PASK: variants seen among roughly 807,000 people sequenced by gnomAD.
PASK encodes the protein PAS domain-containing serine/threonine-protein kinase.
Under a neutral mutation model 121.0 loss-of-function variants are expected in PASK, and 110 were observed. The observed-to-expected ratio is 0.91, with a 90% confidence interval of 0.78 to 1.06. PASK has a LOEUF of 1.06. PASK is among the 50% of genes least tolerant of loss of function. The pLI, the probability that PASK is intolerant of heterozygous loss-of-function variation, is 0.00. For missense variants in PASK, 1,643 were observed against 1,702.3 expected, an observed-to-expected ratio of 0.97 and a Z score of 0.61; for synonymous variants, 686 against 717.8, an observed-to-expected ratio of 0.96 and a Z score of 0.71.
intron 10 of PASK, among the ~76,000 whole-genome samples, chr2:241,125,609 G>GAAAAAAAAAAAAAAAAA (rs11353969): frequency 6.8e-5 from 8 of 118,358 alleles, no homozygotes; most frequent in Non-Finnish European, 7.4e-5. Context: ...CAAAAAAAAA[G>GAAAAAAAAAAAAAAAAA]AAAAAAAAAA....
intron 11 of PASK, among the ~76,000 whole-genome samples, 193 bp from the exon 12 acceptor site, chr2:241,123,092 A>G (rs2065690485): frequency 6.6e-6 from 1 of 152,024 alleles, no homozygotes; most frequent in Admixed American, 6.5e-5. Flanking sequence ...CAGCCTCAGC[A>G]CACTGATCCC....
At chr2:241,138,494 C>T (rs944771218) in intron 5 of PASK, among the ~76,000 whole-genome samples, 160 bp downstream of exon 5, 9 of 152,260 alleles carry the variant, frequency 5.9e-5, no homozygotes, top group African/African-American at 2.2e-4. Flanking sequence ...GTTCCCTGCC[C>T]AAGCACACGC....
rs763180976 is a variant in PASK at position 241,138,809 on chromosome 2, A to C, written c.601-15T>G. The stretch of plus-strand genomic sequence containing the variant: ...ATGATGTCCACCTGTGGAAACAGAC[A>C]GGTTCACACCTGCATGCCATGAACC... On this transcript the variant is annotated splice_polypyrimidine_tract_variant and intron_variant, in intron 4 of 17. Coordinates refer to ENST00000234040, the MANE Select transcript of PASK (RefSeq NM_015148.4). The C allele has an allele frequency of 3.1e-6, 5 of 1,613,540 alleles. No homozygotes were observed. The African/African-American group carries it at 5.3e-5, about 17-fold the overall frequency.
At chr2:241,149,811 T>C (rs1331477731), upstream of PASK, 11 of 1,531,116 alleles carry the variant, frequency 7.2e-6, no homozygotes, top group Admixed American at 1.2e-4. Flanking sequence ...AGACGAAGGC[T>C]GCAGCGTCCG....
At chr2:241,124,493 C>A (rs1450012596) in intron 10 of PASK, among the ~76,000 whole-genome samples, 1 of 152,240 alleles carries the variant, frequency 6.6e-6, no homozygotes, top group East Asian at 1.9e-4. Flanking sequence ...AACCTGCACT[C>A]AACGTGCCCT....
chr2:241,132,903 A>G lies in PASK; in HGVS notation c.1434T>C (p.Leu478=), dbSNP rs1296160011. The G allele has an allele frequency of 6.2e-7, 1 of 1,614,152 alleles. No homozygotes were observed. The highest frequency in any genetic ancestry group is 8.5e-7 in the Non-Finnish European group (1 of 1,179,974). The change falls in exon 9 of 18, where the codon CTT becomes CTC. Residue 478 remains leucine, a synonymous_variant. Coordinates refer to ENST00000234040, the MANE Select transcript of PASK (RefSeq NM_015148.4). ...QTELIAGGQL[L]SCLSPQPAPG... ...GAGCAGGCTGAGGTGAGAGGCAGGA[A>G]AGGAGCTGGCCTCCAGCAATCAGCT... is the stretch of plus-strand genomic sequence containing the variant.
chr2:241,110,160 TGGACCTTGA>T (rs2065049110), intron 15 of PASK, among the ~76,000 whole-genome samples: 1 of 152,244 alleles, frequency 6.6e-6, no homozygotes, highest in African/African-American at 2.4e-5. Context: ...ACAACATGGA[TGGACCTTGA>T]GGACTTTATG....
intron 1 of PASK, among the ~76,000 whole-genome samples, chr2:241,147,877 G>T (rs1256248188): frequency 6.6e-6 from 1 of 152,180 alleles, no homozygotes; most frequent in Non-Finnish European, 1.5e-5. Context: ...CGGGAGCGGG[G>T]AGGACAGCAG....
At chr2:241,136,881 T>C in intron 7 of PASK, 123 bp downstream of exon 7, 3 of 898,210 alleles carry the variant, frequency 3.3e-6, no homozygotes, top group Non-Finnish European at 5.3e-6. Flanking sequence ...AGGTCCTTCC[T>C]GGGTAAAGGA....
At position 241,137,075 on chromosome 2, in the gene PASK, T is replaced by A. The variant is rs749601507; in HGVS notation, c.1066A>T (p.Thr356Ser). ...SGLITLLPDGTIHGINHSFAL... is the reference protein window; with the variant it reads ...SGLITLLPDGSIHGINHSFAL... ...AAGCTGTGGTTGATGCCGTGGATGG[T>A]CCCATCCGGCAGGAGGGTGATGAGG... Residue 356 changes from threonine (T) to serine (S), a missense_variant, in exon 7 of 18, where the codon ACC (threonine) becomes TCC (serine). By Grantham distance (58) the Thr-to-Ser change is moderately conservative. Around this residue, in one of 3 missense-constraint regions of PASK, gnomAD observed 1,176 missense variants for 1,162.2 expected, o/e 1.01. Coordinates refer to ENST00000234040, the MANE Select transcript of PASK (RefSeq NM_015148.4). 78 of 1,612,994 alleles carry A rather than the reference T, an allele frequency of 4.8e-5. No homozygotes were observed. Among genetic ancestry groups the A allele is most frequent in the Non-Finnish European group, 6.4e-5 (76 of 1,179,388 alleles).
intron 14 of PASK, chr2:241,114,550 C>T: frequency 9.9e-7 from 1 of 1,008,244 alleles, no homozygotes; most frequent in Non-Finnish European, 1.2e-6. Context: ...AAAATAATGG[C>T]CGAAGTTCAA....
In PASK at chr2:241,108,072, G is replaced by A. The variant is rs1038814121; in HGVS notation, c.3667+95C>T. The A allele has an allele frequency of 2.6e-6, 3 of 1,141,756 alleles. No individual in the cohort carries two copies. In the Admixed American group the frequency reaches 5.0e-5, roughly 19 times the overall value. The allele number at this position is 1,141,756 out of a possible 1,614,324, so 70.7% of individuals were successfully genotyped here. A position where few individuals can be genotyped will look rare whatever the true frequency, so the allele number is the denominator to read the frequency against. ...AGAAACAAATGAGACTGTTGATATG[G>A]ACAGAGATACACTGAGGAATGAGGA... On this transcript the variant is annotated intron_variant, in intron 16 of 17. Coordinates refer to ENST00000234040, the MANE Select transcript of PASK (RefSeq NM_015148.4). This position sits in a 1 kb window ranked among gnomAD's most constrained non-coding sequence, Gnocchi z 5.2.
In PASK at chr2:241,138,642, T is replaced by C. The variant is rs11681962; in HGVS notation, c.741+12A>G. On this transcript the variant is annotated intron_variant, in intron 5 of 17. Coordinates refer to ENST00000234040, the MANE Select transcript of PASK (RefSeq NM_015148.4). ...AGCGTCCATGAGACATGAGGCAAAG[T>C]TGCACACTCACATCGCTCTGGAAAG... 0.09 allele frequency: 144,841 copies of C among 1,613,504 alleles called. 8,686 individuals carry two copies. The highest frequency in any genetic ancestry group is 0.29 in the African/African-American group (21,621 of 74,980).
intron 9 of PASK, among the ~76,000 whole-genome samples, chr2:241,131,882 C>A (rs368457284): frequency 9.3e-5 from 14 of 151,308 alleles, no homozygotes; most frequent in Non-Finnish European, 1.6e-4. Context: ...AGTGAAACCC[C>A]GCCTCTAGTA....
chr2:241,116,977 A>G (rs1438100323), intron 12 of PASK, among the ~76,000 whole-genome samples: 1 of 152,230 alleles, frequency 6.6e-6, no homozygotes, highest in East Asian at 1.9e-4. Flanking sequence ...AGTCCCGGGA[A>G]GGCAGCTTCT....
chr2:241,148,501 A>G (rs2067086640), intron 1 of PASK, among the ~76,000 whole-genome samples: 1 of 152,204 alleles, frequency 6.6e-6, no homozygotes, highest in African/African-American at 2.4e-5. Context: ...GAAGTCTTTC[A>G]GAGGCAAAGC....
intron 9 of PASK, among the ~76,000 whole-genome samples, chr2:241,130,148 A>G (rs1303520364): frequency 6.6e-6 from 1 of 152,228 alleles, no homozygotes; most frequent in Non-Finnish European, 1.5e-5. Context: ...TGTCCTGACC[A>G]GACTACAATT....
chr2:241,110,334 C>G (rs1423282053), intron 15 of PASK, among the ~76,000 whole-genome samples: 1 of 152,226 alleles, frequency 6.6e-6, no homozygotes, highest in South Asian at 2.1e-4. Context: ...AGTCTGCCGA[C>G]CCTGGAGTAG....
rs61748659 is a variant in PASK at position 241,115,303 on chromosome 2, G to A, written c.3183C>T (p.His1061=). 0.024 allele frequency: 38,313 copies of A among 1,613,870 alleles called. 525 individuals are homozygous for A. Among genetic ancestry groups the A allele is most frequent in the Non-Finnish European group, 0.028 (32,706 of 1,179,814 alleles). Reference sequence around the variant, plus strand: ...AAACCATCACCTTGATGATATTGGCGTGCTCCACCCTGGATAGAATTGCGA... The same window carrying A: ...AAACCATCACCTTGATGATATTGGCATGCTCCACCCTGGATAGAATTGCGA... ...LEIAILSRVE[H]ANIIKVLDIF... Residue 1061 remains histidine, a synonymous_variant, in exon 13 of 18, where the codon CAC becomes CAT. Coordinates refer to ENST00000234040, the MANE Select transcript of PASK (RefSeq NM_015148.4).
Sources: allele counts gnomAD v4.1 joint callset (sites outside exome capture counted in the v4.1 genomes callset), GRCh38; gene constraint gnomAD v4.1.1; regional missense constraint gnomAD v4.1.1; non-coding constraint Gnocchi (gnomAD v3.1); transcripts MANE v1.5; gene names NCBI Gene and HGNC (gene_info 2026-07-23, HGNC 2026-07-21).